Variants in DOCK3 observed in about 807,000 individuals in gnomAD.
DOCK3 encodes dedicator of cytokinesis protein 3.
In DOCK3, 60 loss-of-function variants were observed where a neutral mutation model predicts 265.6. The ratio of observed to expected loss-of-function variants is 0.23; its 90% CI spans 0.18 to 0.28. The LOEUF is 0.28. DOCK3 is among the 10% of genes least tolerant of loss of function. DOCK3 has a pLI of 1.00. For missense variants in DOCK3, 1,981 were observed against 2,594.3 expected, an observed-to-expected ratio of 0.76 and a Z score of 5.14; for synonymous variants, 881 against 938.0, an observed-to-expected ratio of 0.94 and a Z score of 1.11.
At chr3:50,984,412 T>C (rs928601368) in intron 5 of DOCK3, among the ~76,000 whole-genome samples, 3 of 152,206 alleles carry the variant, frequency 2.0e-5, no homozygotes, top group African/African-American at 7.2e-5. Flanking sequence ...GTAGGGTCAG[T>C]GTAGTGGTGA....
intron 35 of DOCK3, among the ~76,000 whole-genome samples, chr3:51,334,099 A>G (rs61570923): frequency 0.023 from 3,470 of 151,594 alleles, 149 homozygotes; most frequent in African/African-American, 0.08. Context: ...TCCCACCTCA[A>G]CCTCCCAAAG....
At chr3:51,305,477 T>C (rs2082603267) in intron 27 of DOCK3, among the ~76,000 whole-genome samples, 1 of 152,214 alleles carries the variant, frequency 6.6e-6, no homozygotes, top group Admixed American at 6.5e-5. Flanking sequence ...CTTGTAGATA[T>C]AGTTGGATCA....
chr3:51,236,132 G>A (rs2078339297), intron 19 of DOCK3, among the ~76,000 whole-genome samples: 2 of 152,130 alleles, frequency 1.3e-5, no homozygotes, highest in Non-Finnish European at 2.9e-5. Context: ...TCTTTCTTGG[G>A]GCCCTTTGGG....
chr3:50,789,194 A>G (rs768490344), intron 2 of DOCK3, among the ~76,000 whole-genome samples: 15 of 152,314 alleles, frequency 9.8e-5, no homozygotes, highest in Middle Eastern at 3.4e-3. Flanking sequence ...ACTATTATGC[A>G]GTTCAAATAA....
At chr3:50,791,808 A>T (rs1343867870) in intron 2 of DOCK3, among the ~76,000 whole-genome samples, 1 of 151,958 alleles carries the variant, frequency 6.6e-6, no homozygotes, top group Non-Finnish European at 1.5e-5. Flanking sequence ...TTGTACTAGT[A>T]CCATGTTGTT....
intron 4 of DOCK3, among the ~76,000 whole-genome samples, chr3:50,920,656 T>C (rs2050399926): frequency 6.6e-6 from 1 of 152,202 alleles, no homozygotes; most frequent in South Asian, 2.1e-4. Flanking sequence ...TTTATTAGTC[T>C]TGCTAACGGT....
At chr3:51,369,765 G>A (rs2087537829) in intron 49 of DOCK3, among the ~76,000 whole-genome samples, 1 of 152,194 alleles carries the variant, frequency 6.6e-6, no homozygotes, top group Non-Finnish European at 1.5e-5. Context: ...TTGGCAGATT[G>A]TAGAGGGAAG....
chr3:50,825,020 C>T (rs2044677506), intron 2 of DOCK3, among the ~76,000 whole-genome samples: 1 of 152,158 alleles, frequency 6.6e-6, no homozygotes, highest in South Asian at 2.1e-4. Context: ...GTTGTACCTA[C>T]AACAGGCACT....
At chr3:51,342,243 G>A (rs751067317) in intron 38 of DOCK3, among the ~76,000 whole-genome samples, 12 of 152,128 alleles carry the variant, frequency 7.9e-5, no homozygotes, top group Non-Finnish European at 1.0e-4. Flanking sequence ...ATAACATGGG[G>A]GACTTCTATG....
chr3:51,226,095 G>A (rs1207817403), intron 15 of DOCK3, among the ~76,000 whole-genome samples: 4 of 152,124 alleles, frequency 2.6e-5, no homozygotes, highest in African/African-American at 9.7e-5. Context: ...TTTGGTAACT[G>A]TTATTAGGTC....
In DOCK3 at chr3:51,359,919, AG is replaced by A. The variant is rs2086611318; in HGVS notation, c.4885-589del. On this transcript the variant is annotated intron_variant, in intron 46 of 52. Transcript: ENST00000266037. The surrounding 1 kb of genome is among the most constrained non-coding windows in gnomAD (Gnocchi z 4.8). ...ACAAACAAACATGCTGTCACCCAGT[AG>A]GGTTTGAGATCAGAAGTGTCTGCCC... Among the ~76,000 whole-genome samples, 1 of 152,212 alleles carries A rather than the reference AG, an allele frequency of 6.6e-6. No homozygotes were observed. Among genetic ancestry groups the A allele is most frequent in the South Asian group, 2.1e-4 (1 of 4,826 alleles).
At chr3:50,828,620 G>T (rs1437568426) in intron 2 of DOCK3, among the ~76,000 whole-genome samples, 1 of 151,832 alleles carries the variant, frequency 6.6e-6, no homozygotes, top group Non-Finnish European at 1.5e-5. Context: ...GTCCAGGCTG[G>T]TCTCAAACTC....
chr3:51,045,591 T>A (rs528000348), intron 5 of DOCK3, among the ~76,000 whole-genome samples: 113 of 152,304 alleles, frequency 7.4e-4, no homozygotes, highest in African/African-American at 2.5e-3. Context: ...GTAATATCTG[T>A]GAAGCTCAAT....
At chr3:50,767,358 C>A (rs533891323) in intron 1 of DOCK3, among the ~76,000 whole-genome samples, 5 of 152,258 alleles carry the variant, frequency 3.3e-5, no homozygotes, top group African/African-American at 1.2e-4. Context: ...TTTCTGAGCA[C>A]CATTTATTAA....
At chr3:51,186,564 C>T (rs2087614559) in intron 12 of DOCK3, among the ~76,000 whole-genome samples, 1 of 152,208 alleles carries the variant, frequency 6.6e-6, no homozygotes, top group Non-Finnish European at 1.5e-5. Context: ...GGGAAAATGT[C>T]TCCAGGGCAT....
chr3:51,119,310 T>G (rs2083906304), intron 9 of DOCK3, among the ~76,000 whole-genome samples: 1 of 152,232 alleles, frequency 6.6e-6, no homozygotes, highest in Non-Finnish European at 1.5e-5. Flanking sequence ...TCTTCTGGCT[T>G]ATACGGTTTC....
chr3:51,038,391 A>C (rs1379537827), intron 5 of DOCK3, among the ~76,000 whole-genome samples: 2 of 152,196 alleles, frequency 1.3e-5, no homozygotes, highest in Non-Finnish European at 2.9e-5. Context: ...AATCATATCT[A>C]GTGGAGATTT....
chr3:50,835,808 AT>A (rs2107180581), intron 2 of DOCK3, among the ~76,000 whole-genome samples: 1 of 152,298 alleles, frequency 6.6e-6, no homozygotes, highest in South Asian at 2.1e-4. Context: ...TTTACTGTGC[AT>A]TTCATTGCAA....
At chr3:51,032,998 T>G (rs552130901) in intron 5 of DOCK3, among the ~76,000 whole-genome samples, 1 of 152,342 alleles carries the variant, frequency 6.6e-6, no homozygotes, top group East Asian at 1.9e-4. Flanking sequence ...TAGTCCATCT[T>G]GAGAACTGAG....
Sources: allele counts gnomAD v4.1 joint callset (sites outside exome capture counted in the v4.1 genomes callset), GRCh38; gene constraint gnomAD v4.1.1; non-coding constraint Gnocchi (gnomAD v3.1); transcripts MANE v1.5; gene names NCBI Gene and HGNC (gene_info 2026-07-23, HGNC 2026-07-21).